PLEKHG1: variants seen among roughly 807,000 people sequenced by gnomAD.
PLEKHG1 encodes the protein pleckstrin homology and RhoGEF domain containing G1.
PLEKHG1 carries 44 observed loss-of-function variants against 100.8 expected under a neutral mutation model. The ratio of observed to expected loss-of-function variants is 0.44; its 90% CI spans 0.34 to 0.56. The LOEUF is 0.56. Ranked by LOEUF, PLEKHG1 falls within the 20% of genes least tolerant of loss-of-function variation. The probability of loss-of-function intolerance (pLI) is 0.01; values close to 1 mark genes in which losing one functional copy is unlikely to be tolerated. For missense variants in PLEKHG1, 1,545 were observed against 1,720.9 expected (o/e 0.90, Z 1.81); for synonymous variants, 640 against 662.5 (o/e 0.97, Z 0.52).
At chr6:150,653,674 G>A (rs139656087) in intron 3 of PLEKHG1, among the ~76,000 whole-genome samples, 1 of 152,222 alleles carries the variant, frequency 6.6e-6, no homozygotes, top group African/African-American at 2.4e-5. Context: ...CTTGAACTCA[G>A]GAGGCAGAGG....
intron 1 of PLEKHG1, among the ~76,000 whole-genome samples, chr6:150,725,157 C>A (rs1252745113): frequency 4.6e-5 from 7 of 152,160 alleles, no homozygotes; most frequent in African/African-American, 1.4e-4. Flanking sequence ...GGGCCTGTTC[C>A]TCCTAGATGG....
chr6:150,831,306 A>T lies in PLEKHG1; in HGVS notation c.2195A>T (p.His732Leu). The T allele has an allele frequency of 6.2e-7, 1 of 1,614,156 alleles. No individual in the cohort carries two copies. The highest frequency in any genetic ancestry group is 8.5e-7 in the Non-Finnish European group (1 of 1,180,020). Residue 732 changes from histidine (H) to leucine (L), a missense_variant, in exon 15 of 16, where the codon CAT (histidine) becomes CTT (leucine). His to Leu is a moderately conservative substitution (Grantham distance 99). Transcript: ENST00000358517. This position sits in a 1 kb window ranked among gnomAD's most constrained non-coding sequence, Gnocchi z 4.1. ...GGAGAGGCATCCAGCCAAAGCACGCATGAACTCCAAGCGGTTGAGGAGAAC... is the reference window on the plus strand; with the variant it reads ...GGAGAGGCATCCAGCCAAAGCACGCTTGAACTCCAAGCGGTTGAGGAGAAC...
chr6:150,781,278 G>C (rs1322734150), intron 3 of PLEKHG1, among the ~76,000 whole-genome samples: 2 of 151,498 alleles, frequency 1.3e-5, no homozygotes, highest in African/African-American at 4.8e-5. Context: ...GCCAAGGCAG[G>C]TGGATCACCT....
At chr6:150,819,594 C>A in intron 11 of PLEKHG1, 85 bp from the exon 13 acceptor site, 1 of 651,132 alleles carries the variant, frequency 1.5e-6, no homozygotes, top group Non-Finnish European at 2.8e-6. Flanking sequence ...AATAATAAAT[C>A]CATATAAATC....
In PLEKHG1 at chr6:150,827,881, T is replaced by G. The variant is rs374758309; in HGVS notation, c.1471-2701T>G. On this transcript the variant is annotated intron_variant, in intron 14 of 15. Transcript: ENST00000358517. ...GAGGAGGATGAATGTGCTATTGAAA[T>G]GTACAGACAGCAGAGACTGGCTGAG... 2.5e-5 allele frequency: 37 copies of G among 1,497,504 alleles called. No individual in the cohort carries two copies. In the African/African-American group the frequency reaches 4.8e-4, roughly 20 times the overall value. The allele number at this position is 1,497,504 out of a possible 1,614,324, so 92.8% of individuals were successfully genotyped here.
intron 3 of PLEKHG1, among the ~76,000 whole-genome samples, chr6:150,773,899 A>AC (rs367601156): frequency 7.4e-4 from 112 of 152,308 alleles, no homozygotes; most frequent in African/African-American, 2.6e-3. Context: ...CATACATGTA[A>AC]CTTTTATGTT....
chr6:150,786,215 G>A (rs1379726712), intron 3 of PLEKHG1, among the ~76,000 whole-genome samples, 175 bp from the exon 5 acceptor site: 1 of 152,186 alleles, frequency 6.6e-6, no homozygotes, highest in East Asian at 1.9e-4. Flanking sequence ...GCTCCACCAT[G>A]ACCTTGGGCA....
exon 15 of PLEKHG1, chr6:150,832,037 G>T (rs375843545): frequency 2.5e-6 from 4 of 1,614,170 alleles, no homozygotes; most frequent in Non-Finnish European, 3.4e-6. Context: ...AAAAAGCAGG[G>T]TGTTTATGAT....
At chr6:150,691,091 C>T (rs1780334463) in intron 3 of PLEKHG1, among the ~76,000 whole-genome samples, 1 of 152,190 alleles carries the variant, frequency 6.6e-6, no homozygotes, top group Non-Finnish European at 1.5e-5. Flanking sequence ...CTTCAGAAAC[C>T]TGAAATACTA....
intron 10 of PLEKHG1, among the ~76,000 whole-genome samples, chr6:150,810,499 GGAAAGAAAGAAAGAAAAA>G (rs1787434365): frequency 1.6e-5 from 1 of 61,924 alleles, no homozygotes; most frequent in Non-Finnish European, 3.8e-5. Context: ...AAGGAAGGAG[GGAAAGAAAGAAAGAAAAA>G]GAAAGAAAGA....
chr6:150,698,377 A>C (rs78541874), intron 3 of PLEKHG1, among the ~76,000 whole-genome samples: 10,647 of 152,248 alleles, frequency 0.07, 454 homozygotes, highest in South Asian at 0.17. Flanking sequence ...ACCTCAGGTT[A>C]TATCAATTTT....
chr6:150,736,684 G>A lies in PLEKHG1; in HGVS notation c.411+2592G>A, dbSNP rs564810271. Reference sequence around the variant, plus strand: ...CTTGGGAGGCTGAGACAGGAGAATCGCTTGAACCTGGGAGGCGAAGGCTGC... The same window carrying A: ...CTTGGGAGGCTGAGACAGGAGAATCACTTGAACCTGGGAGGCGAAGGCTGC... On this transcript the variant is annotated intron_variant, in intron 2 of 15. Transcript: ENST00000358517. Among the ~76,000 whole-genome samples the A allele has an allele frequency of 1.1e-4, 16 of 152,214 alleles. No individual in the cohort carries two copies. The South Asian group carries it at 3.1e-3, about 30-fold the overall frequency.
At chr6:150,800,597 C>A in intron 5 of PLEKHG1, 122 bp from the exon 7 acceptor site, 2 of 888,622 alleles carry the variant, frequency 2.3e-6, no homozygotes, top group African/African-American at 1.7e-5. Context: ...GCATGCTGAT[C>A]TGACCACAGC....
chr6:150,707,987 T>TATTC (rs1185696118), intron 3 of PLEKHG1, among the ~76,000 whole-genome samples: 2 of 152,130 alleles, frequency 1.3e-5, no homozygotes, highest in Admixed American at 1.3e-4. Context: ...CTGCCCCGGA[T>TATTC]ATTCAGCATT....
At chr6:150,804,175 A>ATATATATATATATAT (rs1173213745) in intron 6 of PLEKHG1, among the ~76,000 whole-genome samples, 1 of 43,174 alleles carries the variant, frequency 2.3e-5, no homozygotes, top group Non-Finnish European at 3.9e-5. Flanking sequence ...ATATATATAT[A>ATATATATATATATAT]TTTTTTTTTT....
intron 2 of PLEKHG1, among the ~76,000 whole-genome samples, chr6:150,752,220 C>G (rs910863219): frequency 6.6e-6 from 1 of 152,136 alleles, no homozygotes; most frequent in Non-Finnish European, 1.5e-5. Context: ...TGTCTGTTGG[C>G]TGGCCTTCAT....
At chr6:150,787,150 G>A (rs546431423) in intron 4 of PLEKHG1, among the ~76,000 whole-genome samples, 11 of 151,986 alleles carry the variant, frequency 7.2e-5, no homozygotes, top group East Asian at 1.9e-4. Flanking sequence ...AATATTTTAC[G>A]TATAATATAT....
At chr6:150,697,685 T>C (rs1031291121) in intron 3 of PLEKHG1, among the ~76,000 whole-genome samples, 5 of 152,226 alleles carry the variant, frequency 3.3e-5, no homozygotes, top group Non-Finnish European at 7.3e-5. Flanking sequence ...CTCCATGTAT[T>C]GAGACATCTG....
At chr6:150,675,963 T>C (rs1322085573) in intron 3 of PLEKHG1, among the ~76,000 whole-genome samples, 2 of 152,106 alleles carry the variant, frequency 1.3e-5, no homozygotes, top group Admixed American at 6.5e-5. Context: ...TAATACAAGA[T>C]ATAATTCAAA....
Sources: gnomAD v4.1 joint callset for allele counts (sites outside exome capture counted in the v4.1 genomes callset) on GRCh38, gnomAD v4.1.1 for gene constraint, Gnocchi (gnomAD v3.1) non-coding constraint, MANE v1.5 for transcripts, NCBI Gene and HGNC (gene_info 2026-07-23, HGNC 2026-07-21) for gene names.